TRIM22: variants seen among roughly 807,000 people sequenced by gnomAD.
The protein encoded by TRIM22 is E3 ubiquitin-protein ligase TRIM22.
In TRIM22, 45 loss-of-function variants were observed where a neutral mutation model predicts 53.6. That is an observed-to-expected ratio of 0.84 (90% CI 0.66 to 1.08). TRIM22 has a LOEUF of 1.08. Among genes scored for constraint, TRIM22 ranks in the 50% least tolerant of loss-of-function variants. The probability of loss-of-function intolerance (pLI) is 0.00; values close to 1 mark genes in which losing one functional copy is unlikely to be tolerated. For synonymous variants in TRIM22, 225 were observed against 216.6 expected (o/e 1.04, Z -0.34); for missense variants, 616 against 590.9 (o/e 1.04, Z -0.44).
chr11:5,707,495 T>C (rs765520662), intron 5 of TRIM22, among the ~76,000 whole-genome samples: 1 of 152,174 alleles, frequency 6.6e-6, no homozygotes, highest in Non-Finnish European at 1.5e-5. Flanking sequence ...ATAAGTTTTT[T>C]AGAGGCACTG....
At chr11:5,691,543 T>G (rs1484683657) in intron 1 of TRIM22, among the ~76,000 whole-genome samples, 2 of 152,210 alleles carry the variant, frequency 1.3e-5, no homozygotes, top group Non-Finnish European at 2.9e-5. Flanking sequence ...TTTTTCTTTC[T>G]TTGGAGGCAG....
chr11:5,703,314 C>T (rs781688456), intron 4 of TRIM22, among the ~76,000 whole-genome samples: 20 of 152,048 alleles, frequency 1.3e-4, no homozygotes, highest in Non-Finnish European at 2.1e-4. Flanking sequence ...TTTCAGTTCC[C>T]GTGTTAATTT....
chr11:5,706,714 A>T, intron 5 of TRIM22, 98 bp downstream of exon 5: 1 of 1,254,756 alleles, frequency 8.0e-7, no homozygotes, highest in South Asian at 1.5e-5. Flanking sequence ...AAAAATCAAA[A>T]GGCTGGGAAA....
At chr11:5,705,743 G>A (rs1253610383) in intron 4 of TRIM22, among the ~76,000 whole-genome samples, 1 of 152,166 alleles carries the variant, frequency 6.6e-6, no homozygotes, top group Non-Finnish European at 1.5e-5. Context: ...TGGAATCCAG[G>A]ATAAAATTTT....
rs1853308906 is a variant in TRIM22 at position 5,698,461 on chromosome 11, G to A, written c.666G>A (p.Gln222=). 6.2e-7 allele frequency: 1 copy of A among 1,614,002 alleles called. No homozygotes were observed. The highest frequency in any genetic ancestry group is 1.7e-5 in the Admixed American group (1 of 60,000). The change falls in exon 4 of 8, where the codon CAG becomes CAA. Residue 222 remains glutamine, a synonymous_variant. Transcript: ENST00000379965. ...VLDNLAAATD[Q]LVQQRQDAST... The stretch of plus-strand genomic sequence containing the variant: ...ATAACCTGGCAGCAGCTACAGACCA[G>A]CTGGTCCAGCAGAGGCAGGATGCCA...
In TRIM22 at chr11:5,696,256, CAT is replaced by C; in HGVS notation, c.26_27del (p.Ile9ArgfsTer62). Reference protein sequence around the residue: MDFSVKVDIEKEVTCPICL... With the variant: MDFSVKVDXEKEVTCPICL... ...CAATGGATTTCTCAGTAAAGGTAGACATAGAGAAGGAGGTGACCTGCCCCATC... is the reference window on the plus strand; with the variant it reads ...CAATGGATTTCTCAGTAAAGGTAGACAGAGAAGGAGGTGACCTGCCCCATC... On this transcript the variant is annotated frameshift_variant, in exon 2 of 8. Transcript: ENST00000379965. LOFTEE classifies it high-confidence loss of function. The C allele has an allele frequency of 1.1e-5, 18 of 1,612,150 alleles. No individual in the cohort carries two copies. Among genetic ancestry groups the C allele is most frequent in the Non-Finnish European group, 1.4e-5 (16 of 1,178,902 alleles).
chr11:5,698,870 A>G (rs969866619), intron 4 of TRIM22, among the ~76,000 whole-genome samples: 4 of 152,194 alleles, frequency 2.6e-5, no homozygotes, highest in African/African-American at 7.2e-5. Flanking sequence ...TTTGCAGTCA[A>G]TATCTGTTTC....
At position 5,701,953 on chromosome 11, in the gene TRIM22, TC is replaced by T. The variant is rs1284610779; in HGVS notation, c.750+3411del. 5.3e-5 allele frequency among the ~76,000 whole-genome samples: 8 copies of T among 152,054 alleles called. No individual in the cohort carries two copies. In the South Asian group the frequency reaches 1.7e-3, roughly 31 times the overall value. On this transcript the variant is annotated intron_variant, in intron 4 of 7. Transcript: ENST00000379965. ...ACCGTACTTGCTCTTTGCTTTTTTT[TC>T]CCTTCCTCTCTTTTTCTGCCCTCTT...
chr11:5,699,071 C>T (rs186772130), intron 4 of TRIM22, among the ~76,000 whole-genome samples: 1 of 152,252 alleles, frequency 6.6e-6, no homozygotes, highest in African/African-American at 2.4e-5. Flanking sequence ...AATACTATTC[C>T]ATTATCTGAA....
intron 4 of TRIM22, among the ~76,000 whole-genome samples, chr11:5,700,913 T>A (rs1391480541): frequency 6.6e-6 from 1 of 150,784 alleles, no homozygotes; most frequent in Non-Finnish European, 1.5e-5. Flanking sequence ...AGACTTTTTA[T>A]CATGAATGGT....
rs71053298 is a variant in TRIM22, at chr11:5,699,530, C to CAAAAAAAAAAAAAAAAAAAAA, written c.750+1004_750+1024dup. On this transcript the variant is annotated intron_variant, in intron 4 of 7. Coordinates refer to ENST00000379965, the MANE Select transcript of TRIM22 (RefSeq NM_006074.5). ...TGGGCGACAGAGCGAGACTCCGTCTCAAAAAAAAAAAAAAAAAAAAAAAAA... is the reference window on the plus strand; with the variant it reads ...TGGGCGACAGAGCGAGACTCCGTCTCAAAAAAAAAAAAAAAAAAAAAAAAAAAAAAAAAAAAAAAAAAAAAA... Among the ~76,000 whole-genome samples the CAAAAAAAAAAAAAAAAAAAAA allele has an allele frequency of 7.0e-5, 2 of 28,522 alleles. 1 individual carries two copies. The allele number at this position is 28,522 out of a possible 152,430, so 18.7% of individuals were successfully genotyped here. A position where few individuals can be genotyped will look rare whatever the true frequency, so the allele number is the denominator to read the frequency against.
rs552466991 is a variant in TRIM22, at chr11:5,707,461, G to A, written c.774-712G>A. Among the ~76,000 whole-genome samples the A allele has an allele frequency of 4.6e-5, 7 of 152,252 alleles. No individual in the cohort carries two copies. In the South Asian group the frequency reaches 1.4e-3, roughly 32 times the overall value. ...CTCTTCCTGGTGGACCCACTGAGAT[G>A]GCAATGACTTTTCTAAATATTAAAT... On this transcript the variant is annotated intron_variant, in intron 5 of 7. Coordinates refer to ENST00000379965, the MANE Select transcript of TRIM22 (RefSeq NM_006074.5).
chr11:5,695,166 C>T (rs943576308), intron 1 of TRIM22, among the ~76,000 whole-genome samples: 1 of 152,142 alleles, frequency 6.6e-6, no homozygotes, highest in South Asian at 2.1e-4. Flanking sequence ...TTATATATTA[C>T]ATAGTAAAAA....
At chr11:5,708,127 G>C in intron 5 of TRIM22, 46 bp from the exon 6 acceptor site, 1 of 1,463,870 alleles carries the variant, frequency 6.8e-7, no homozygotes. Context: ...TGGATGGAGA[G>C]AAATAGGGCA....
At chr11:5,693,402 G>C (rs539216562) in intron 1 of TRIM22, among the ~76,000 whole-genome samples, 1 of 151,880 alleles carries the variant, frequency 6.6e-6, no homozygotes, top group Non-Finnish European at 1.5e-5. Flanking sequence ...GTTTCAATGG[G>C]GCTACATTTC....
Position 5,698,451 on chromosome 11 carries a change from C to G in TRIM22, c.656C>G (p.Ala219Gly), listed in dbSNP as rs1483758129. 1.2e-6 allele frequency: 2 copies of G among 1,614,056 alleles called. No individual in the cohort carries two copies. Among genetic ancestry groups the G allele is most frequent in the Non-Finnish European group, 1.7e-6 (2 of 1,180,030 alleles). The change falls in exon 4 of 8, where the codon GCT (alanine) becomes GGT (glycine). Residue 219 changes from alanine to glycine, a missense_variant. Coordinates refer to ENST00000379965, the MANE Select transcript of TRIM22 (RefSeq NM_006074.5). ...EVNVLDNLAA[A>G]TDQLVQQRQD... ...AATGTGCTGGATAACCTGGCAGCAG[C>G]TACAGACCAGCTGGTCCAGCAGAGG...
intron 4 of TRIM22, among the ~76,000 whole-genome samples, chr11:5,705,216 G>A (rs533390492): frequency 4.6e-5 from 7 of 152,210 alleles, no homozygotes; most frequent in African/African-American, 1.4e-4. Context: ...AATTGGAGTC[G>A]ATGGTTTGCA....
chr11:5,709,535 C>G lies in TRIM22; in HGVS notation c.1384C>G (p.His462Asp). The change falls in exon 8 of 8, where the codon CAC (histidine) becomes GAC (aspartate). Residue 462 changes from histidine (H) to aspartate (D), a missense_variant. Coordinates refer to ENST00000379965, the MANE Select transcript of TRIM22 (RefSeq NM_006074.5). Reference sequence around the variant, plus strand: ...TGTCTCATTTTTCAATGTCACAAACCACGGAGCACTCATCTACAAGTTCTC... The same window carrying G: ...TGTCTCATTTTTCAATGTCACAAACGACGGAGCACTCATCTACAAGTTCTC... ...GIVSFFNVTN[H>D]GALIYKFSGC... 6.2e-7 allele frequency: 1 copy of G among 1,614,108 alleles called. No homozygotes were observed. The highest frequency in any genetic ancestry group is 8.5e-7 in the Non-Finnish European group (1 of 1,180,024).
intron 4 of TRIM22, among the ~76,000 whole-genome samples, 172 bp downstream of exon 4, chr11:5,698,717 A>T (rs1853315224): frequency 6.6e-6 from 1 of 152,216 alleles, no homozygotes; most frequent in Non-Finnish European, 1.5e-5. Context: ...GAGATCATTA[A>T]GTGTATGAAT....
Sources: allele counts gnomAD v4.1 joint callset (sites outside exome capture counted in the v4.1 genomes callset), GRCh38; gene constraint gnomAD v4.1.1; transcripts MANE v1.5; gene names NCBI Gene and HGNC (gene_info 2026-07-23, HGNC 2026-07-21).